DAB1: variants seen among roughly 807,000 people sequenced by gnomAD.
DAB1 encodes disabled homolog 1.
In DAB1, 15 loss-of-function variants were observed where a neutral mutation model predicts 64.6. The ratio of observed to expected loss-of-function variants is 0.23; its 90% confidence interval spans 0.16 to 0.36. The LOEUF (loss-of-function observed/expected upper bound fraction) is 0.36. DAB1 is among the 10% of genes least tolerant of loss of function. DAB1 has a pLI of 1.00. For synonymous variants in DAB1, 235 were observed against 251.9 expected (o/e 0.93, Z 0.64); for missense variants, 596 against 706.7 (o/e 0.84, Z 1.78).
intron 4 of DAB1, among the ~76,000 whole-genome samples, chr1:58,269,803 T>A (rs933288870): frequency 1.6e-5 from 1 of 64,152 alleles, no homozygotes; most frequent in African/African-American, 5.9e-5. Flanking sequence ...ATGTGTTTTT[T>A]GGCTGCATAA....
intron 6 of DAB1, among the ~76,000 whole-genome samples, chr1:57,785,382 A>T (rs1175738950): frequency 6.6e-6 from 1 of 152,162 alleles, no homozygotes; most frequent in Non-Finnish European, 1.5e-5. Context: ...AAGGATATGG[A>T]TGCATAGAGA....
chr1:58,057,758 C>A (rs181769539), intron 5 of DAB1, among the ~76,000 whole-genome samples: 5 of 152,250 alleles, frequency 3.3e-5, no homozygotes, highest in Non-Finnish European at 7.4e-5. Context: ...GTTTGTGGTA[C>A]TTTGTCATGG....
chr1:57,036,358 C>T (rs1647150035), intron 9 of DAB1, among the ~76,000 whole-genome samples: 1 of 151,854 alleles, frequency 6.6e-6, no homozygotes, highest in African/African-American at 2.4e-5. Flanking sequence ...TTTTTTTTAC[C>T]TTGTGTCTAC....
At chr1:57,031,262 A>G (rs1646958062) in intron 9 of DAB1, among the ~76,000 whole-genome samples, 1 of 152,172 alleles carries the variant, frequency 6.6e-6, no homozygotes, top group Admixed American at 6.5e-5. Context: ...TAATCCTAAT[A>G]ACCATATGTG....
chr1:57,726,478 A>G (rs1193273829), intron 6 of DAB1, among the ~76,000 whole-genome samples: 1 of 152,188 alleles, frequency 6.6e-6, no homozygotes, highest in Admixed American at 6.5e-5. Context: ...GAAATTGAGA[A>G]TGAGGCCACA....
At chr1:57,204,896 C>A (rs1665415960) in intron 2 of DAB1, among the ~76,000 whole-genome samples, 1 of 152,188 alleles carries the variant, frequency 6.6e-6, no homozygotes, top group African/African-American at 2.4e-5. Flanking sequence ...TCTTCAACCT[C>A]CACCTCCATT....
intron 6 of DAB1, among the ~76,000 whole-genome samples, chr1:57,714,724 G>A (rs560183997): frequency 2.6e-5 from 4 of 152,296 alleles, no homozygotes; most frequent in African/African-American, 7.2e-5. Flanking sequence ...AACTTTGTGT[G>A]TACATCAAGA....
chr1:57,825,814 A>G (rs1398982747), downstream of DAB1, among the ~76,000 whole-genome samples: 4 of 152,202 alleles, frequency 2.6e-5, no homozygotes, highest in Admixed American at 2.0e-4. Context: ...AATGTTGTTC[A>G]GGTCAGGTCC....
chr1:57,092,674 G>A (rs532693995), intron 4 of DAB1, among the ~76,000 whole-genome samples: 2 of 120,372 alleles, frequency 1.7e-5, no homozygotes, highest in Middle Eastern at 4.5e-3. Context: ...TGGCGGGGGA[G>A]GGGGGTGGGG....
intron 1 of DAB1, among the ~76,000 whole-genome samples, chr1:57,843,488 A>G (rs1318822183): frequency 1.3e-5 from 2 of 152,184 alleles, no homozygotes; most frequent in Non-Finnish European, 2.9e-5. Flanking sequence ...GAAATAACAT[A>G]TCAAAAGCAC....
At chr1:57,265,483 A>G (rs1670518028) in intron 2 of DAB1, among the ~76,000 whole-genome samples, 1 of 152,004 alleles carries the variant, frequency 6.6e-6, no homozygotes, top group African/African-American at 2.4e-5. Context: ...TTATATTCAT[A>G]TATCTTTAAT....
At chr1:57,571,518 ATT>A (rs1172594525) in intron 7 of DAB1, among the ~76,000 whole-genome samples, 2 of 152,126 alleles carry the variant, frequency 1.3e-5, no homozygotes, top group Admixed American at 1.3e-4. Flanking sequence ...GCTGTTTTAA[ATT>A]GTGTTTCAAA....
At chr1:57,397,650 G>A (rs1044518334) in intron 1 of DAB1, among the ~76,000 whole-genome samples, 1 of 152,152 alleles carries the variant, frequency 6.6e-6, no homozygotes, top group Non-Finnish European at 1.5e-5. Flanking sequence ...CTCTCCACAG[G>A]GCAGAGACAG....
intron 6 of DAB1, among the ~76,000 whole-genome samples, chr1:57,792,031 A>G (rs1410990160): frequency 1.3e-5 from 2 of 152,188 alleles, no homozygotes; most frequent in Non-Finnish European, 2.9e-5. Context: ...TTTTAAAGGA[A>G]TGCCTTTTCC....
intron 1 of DAB1, among the ~76,000 whole-genome samples, chr1:57,389,795 G>A (rs1426716305): frequency 6.6e-6 from 1 of 152,030 alleles, no homozygotes; most frequent in Non-Finnish European, 1.5e-5. Flanking sequence ...TACTTTCCGA[G>A]ATACAGAAAA....
At chr1:58,325,215 C>T (rs1351705620) in intron 4 of DAB1, among the ~76,000 whole-genome samples, 4 of 152,242 alleles carry the variant, frequency 2.6e-5, no homozygotes, top group Admixed American at 6.5e-5. Context: ...AGACACTGCA[C>T]TTCAACTAAG....
intron 2 of DAB1, among the ~76,000 whole-genome samples, chr1:57,219,264 A>AACACACACAC (rs60049165): frequency 1.3e-5 from 2 of 149,546 alleles, no homozygotes; most frequent in East Asian, 2.0e-4. Flanking sequence ...GAGGCATTTC[A>AACACACACAC]ACACACACAC....
intron 3 of DAB1, among the ~76,000 whole-genome samples, chr1:58,438,886 A>C (rs893188498): frequency 1.3e-5 from 2 of 152,218 alleles, no homozygotes; most frequent in Non-Finnish European, 2.9e-5. Flanking sequence ...TTGGAGCAGA[A>C]ACCACTTGCG....
chr1:57,542,693 C>G (rs1267036487), intron 7 of DAB1, among the ~76,000 whole-genome samples: 2 of 151,976 alleles, frequency 1.3e-5, no homozygotes, highest in South Asian at 2.1e-4. Context: ...TCATTCTGAA[C>G]AGTCATAGGG....
Sources: gnomAD v4.1 joint callset for allele counts (sites outside exome capture counted in the v4.1 genomes callset) on GRCh38, gnomAD v4.1.1 for gene constraint, MANE v1.5 for transcripts, NCBI Gene and HGNC (gene_info 2026-07-23, HGNC 2026-07-21) for gene names.